Variants in CAMK2D observed in about 807,000 individuals in gnomAD.
CAMK2D encodes calcium/calmodulin-dependent protein kinase type II subunit delta.
Under a neutral mutation model 84.0 loss-of-function variants are expected in CAMK2D, and 37 were observed. The observed-to-expected ratio is 0.44, with a 90% CI of 0.34 to 0.58. The LOEUF (loss-of-function observed/expected upper bound fraction) is 0.58. CAMK2D is among the 20% of genes least tolerant of loss of function. The probability of loss-of-function intolerance (pLI) is 0.02; values close to 1 mark genes in which losing one functional copy is unlikely to be tolerated. For missense variants in CAMK2D, 448 were observed against 652.5 expected (o/e 0.69, Z 3.41); for synonymous variants, 202 against 212.5 (o/e 0.95, Z 0.43).
chr4:113,662,428 G>A (rs2099237723), intron 2 of CAMK2D, among the ~76,000 whole-genome samples: 1 of 151,738 alleles, frequency 6.6e-6, no homozygotes, highest in Admixed American at 6.6e-5. Context: ...TGATTTTTTG[G>A]TGGAGGTACC....
chr4:113,562,594 G>A (rs2098703340), intron 4 of CAMK2D, among the ~76,000 whole-genome samples: 1 of 152,148 alleles, frequency 6.6e-6, no homozygotes, highest in South Asian at 2.1e-4. Flanking sequence ...ACGAAAGAAG[G>A]AGCAACAGAT....
At chr4:113,592,460 T>C (rs938947705) in intron 4 of CAMK2D, among the ~76,000 whole-genome samples, 5 of 152,234 alleles carry the variant, frequency 3.3e-5, no homozygotes, top group Non-Finnish European at 5.9e-5. Flanking sequence ...ACCCAGAAGC[T>C]GAAAAGAATT....
chr4:113,511,103 C>T (rs778085306), intron 12 of CAMK2D, among the ~76,000 whole-genome samples: 11 of 152,132 alleles, frequency 7.2e-5, no homozygotes, highest in Non-Finnish European at 1.6e-4. Context: ...ATTCACCTTA[C>T]CTCACAAGAA....
chr4:113,761,234 G>A lies in CAMK2D; in HGVS notation c.-166C>T. ...GGGAGTGTGCGCAGGGGCGGGGCGG[G>A]AGGGGAGATGACCAGAAAGGGTGGC... On this transcript the variant is annotated 5_prime_UTR_variant, in exon 1 of 21. Transcript: ENST00000511664. The A allele has an allele frequency of 1.1e-5, 16 of 1,439,428 alleles. No individual in the cohort carries two copies. The highest frequency in any genetic ancestry group is 1.5e-5 in the Non-Finnish European group (16 of 1,093,532). The allele number at this position is 1,439,428 out of a possible 1,614,324, so 89.2% of individuals were successfully genotyped here. A position where few individuals can be genotyped will look rare whatever the true frequency, so the allele number is the denominator to read the frequency against.
At chr4:113,588,766 G>C (rs1024259550) in intron 4 of CAMK2D, among the ~76,000 whole-genome samples, 1 of 152,056 alleles carries the variant, frequency 6.6e-6, no homozygotes, top group African/African-American at 2.4e-5. Flanking sequence ...CTAGACACTG[G>C]GGATAATAGT....
chr4:113,540,322 C>A (rs2098521756), intron 6 of CAMK2D, among the ~76,000 whole-genome samples: 1 of 152,180 alleles, frequency 6.6e-6, no homozygotes, highest in African/African-American at 2.4e-5. Context: ...TTAATGATTA[C>A]CTCCTTAGAC....
chr4:113,635,230 C>T (rs569607629), intron 3 of CAMK2D, among the ~76,000 whole-genome samples: 16 of 152,238 alleles, frequency 1.1e-4, no homozygotes, highest in Middle Eastern at 3.4e-3. Context: ...TCCAAGTGTG[C>T]ACATATTTAT....
At chr4:113,528,015 C>T (rs934677820) in intron 8 of CAMK2D, among the ~76,000 whole-genome samples, 1 of 151,856 alleles carries the variant, frequency 6.6e-6, no homozygotes, top group African/African-American at 2.4e-5. Flanking sequence ...CATAATAACA[C>T]CTTTTACAAA....
At chr4:113,459,970 T>C (rs895050032) in intron 18 of CAMK2D, among the ~76,000 whole-genome samples, 177 bp downstream of exon 18, 2 of 152,126 alleles carry the variant, frequency 1.3e-5, no homozygotes, top group African/African-American at 4.8e-5. Context: ...ACACCAAAAC[T>C]GTAAGCCAAG....
Position 113,460,095 on chromosome 4 carries a change from A to G in CAMK2D, c.1306+52T>C, listed in dbSNP as rs1191704596. ...AGCAAAATAATCTGCAAATTTGGGA[A>G]AATTCAGAGAGGTTTAAAAAGGGCA... is the stretch of plus-strand genomic sequence containing the variant. On this transcript the variant is annotated intron_variant, in intron 18 of 20. Coordinates refer to ENST00000511664, the MANE Select transcript of CAMK2D (RefSeq NM_001321571.2). The G allele has an allele frequency of 1.3e-5, 14 of 1,072,532 alleles. No homozygotes were observed. In the Admixed American group the frequency reaches 2.5e-4, roughly 19 times the overall value. The allele number at this position is 1,072,532 out of a possible 1,614,324, so 66.4% of individuals were successfully genotyped here.
chr4:113,673,919 T>C (rs1046229531), intron 2 of CAMK2D, among the ~76,000 whole-genome samples: 5 of 152,216 alleles, frequency 3.3e-5, no homozygotes, highest in African/African-American at 1.2e-4. Flanking sequence ...GAAATAAATA[T>C]ATTCAGTGGG....
At chr4:113,573,983 T>G (rs1335116512) in intron 4 of CAMK2D, among the ~76,000 whole-genome samples, 1 of 152,206 alleles carries the variant, frequency 6.6e-6, no homozygotes, top group East Asian at 1.9e-4. Flanking sequence ...TTTAACTATC[T>G]TCAGTAGATG....
intron 2 of CAMK2D, among the ~76,000 whole-genome samples, chr4:113,719,908 T>A (rs2099525215): frequency 6.6e-6 from 1 of 152,096 alleles, no homozygotes; most frequent in South Asian, 2.1e-4. Flanking sequence ...GATAAGAAGC[T>A]GGAAAGAATA....
At chr4:113,694,549 T>C (rs2099397298) in intron 2 of CAMK2D, among the ~76,000 whole-genome samples, 1 of 152,110 alleles carries the variant, frequency 6.6e-6, no homozygotes, top group South Asian at 2.1e-4. Flanking sequence ...TAGTGAGAAG[T>C]GGGAGGCAGG....
chr4:113,617,138 T>G (rs947671383), intron 3 of CAMK2D, among the ~76,000 whole-genome samples: 2 of 152,142 alleles, frequency 1.3e-5, no homozygotes, highest in Non-Finnish European at 2.9e-5. Flanking sequence ...TGCAAGTTAG[T>G]CAGTGATCTC....
chr4:113,730,655 A>C (rs1363688403), intron 2 of CAMK2D, among the ~76,000 whole-genome samples: 1 of 152,216 alleles, frequency 6.6e-6, no homozygotes, highest in Non-Finnish European at 1.5e-5. Flanking sequence ...CACCATACAA[A>C]ACTTTTTTAC....
rs968712887 is a variant in CAMK2D, at chr4:113,761,209, G to A, written c.-141C>T. On this transcript the variant is annotated 5_prime_UTR_variant, in exon 1 of 21. Transcript: ENST00000511664. ...TGGTCCGAAAGTAGCTCGCCCGCGA[G>A]GGAGTGTGCGCAGGGGCGGGGCGGG... 23 of 1,543,678 alleles carry A rather than the reference G, an allele frequency of 1.5e-5. No homozygotes were observed. In the South Asian group the frequency reaches 1.5e-4, roughly 10 times the overall value.
intron 4 of CAMK2D, among the ~76,000 whole-genome samples, chr4:113,601,326 C>T (rs1484507503): frequency 6.6e-6 from 1 of 152,162 alleles, no homozygotes; most frequent in East Asian, 1.9e-4. Flanking sequence ...GACAGAATGT[C>T]ATGAGCATTT....
At chr4:113,732,884 A>G (rs2099572556) in intron 2 of CAMK2D, among the ~76,000 whole-genome samples, 1 of 152,206 alleles carries the variant, frequency 6.6e-6, no homozygotes, top group African/African-American at 2.4e-5. Flanking sequence ...TAGATATATT[A>G]GTGCTTCTCT....
Sources: gnomAD v4.1 joint callset for allele counts (sites outside exome capture counted in the v4.1 genomes callset) on GRCh38, gnomAD v4.1.1 for gene constraint, MANE v1.5 for transcripts, NCBI Gene and HGNC (gene_info 2026-07-23, HGNC 2026-07-21) for gene names.